Variants in CCNDBP1 observed in about 807,000 individuals in gnomAD.
CCNDBP1 encodes cyclin-D1-binding protein 1.
In CCNDBP1, 45 loss-of-function variants were observed where a neutral mutation model predicts 46.2. The ratio of observed to expected loss-of-function variants is 0.97; its 90% CI spans 0.77 to 1.25. The LOEUF (loss-of-function observed/expected upper bound fraction) is 1.25. Among genes scored for constraint, CCNDBP1 ranks in the 50% most tolerant of loss-of-function variants. The pLI is 0.00. For synonymous variants in CCNDBP1, 154 were observed against 163.6 expected, an observed-to-expected ratio of 0.94 and a Z score of 0.45; for missense variants, 436 against 442.1, an observed-to-expected ratio of 0.99 and a Z score of 0.12.
At chr15:43,189,111 G>GA in intron 3 of CCNDBP1, 88 bp from the exon 4 acceptor site, 2 of 257,890 alleles carry the variant, frequency 7.8e-6, no homozygotes, top group Non-Finnish European at 1.4e-5. Flanking sequence ...AAAAGAAAAA[G>GA]AAAGAAAAGA....
chr15:43,192,218 T>C (rs1278017783), intron 8 of CCNDBP1, among the ~76,000 whole-genome samples: 4 of 152,338 alleles, frequency 2.6e-5, no homozygotes, highest in South Asian at 4.1e-4. Context: ...ACCAGGACAG[T>C]TGTCTTGTAA....
At chr15:43,194,188 T>TA (rs1433105126) in intron 9 of CCNDBP1, 7 of 433,022 alleles carry the variant, frequency 1.6e-5, no homozygotes, top group Non-Finnish European at 2.9e-5. Context: ...ATTTTAGATC[T>TA]AAAAAATCTT....
chr15:43,190,183 T>C (rs375477707), intron 5 of CCNDBP1, 32 bp downstream of exon 5: 8 of 1,605,172 alleles, frequency 5.0e-6, no homozygotes, highest in African/African-American at 4.0e-5. Context: ...TTACCAGTTA[T>C]TGGGGTTCCT....
chr15:43,194,863 C>A lies in CCNDBP1; in HGVS notation c.*22C>A. On this transcript the variant is annotated 3_prime_UTR_variant, in exon 11 of 11. Transcript: ENST00000300213. ...ATGACTTTTCAGGCTCATTTGTACT[C>A]TCTTCCCCTCTCATCGTCATGGTCA... 7.2e-7 allele frequency: 1 copy of A among 1,388,038 alleles called. No homozygotes were observed. The highest frequency in any genetic ancestry group is 1.0e-6 in the Non-Finnish European group (1 of 974,670). 86.0% of individuals were successfully genotyped at this position (1,388,038 alleles called of 1,614,324 possible).
Position 43,189,213 on chromosome 15 carries a change from C to G in CCNDBP1, c.264C>G (p.Phe88Leu), listed in dbSNP as rs374008204. The change falls in exon 4 of 11, where the codon TTC becomes TTG. Residue 88 changes from phenylalanine to leucine, a missense_variant. Physicochemically the swap from Phe to Leu is conservative, Grantham distance 22. Coordinates refer to ENST00000300213, the MANE Select transcript of CCNDBP1 (RefSeq NM_012142.5). ...CTTTTTCATAGGAAACCCAGAAGTT[C>G]TGTGAACAAGTCCATGCTGCCATCA... ...PLPSPQETQK[F>L]CEQVHAAIKA... The G allele has an allele frequency of 7.5e-6, 12 of 1,608,654 alleles. No individual in the cohort carries two copies. Among genetic ancestry groups the G allele is most frequent in the African/African-American group, 1.3e-5 (1 of 74,666 alleles).
Position 43,192,823 on chromosome 15 carries a change from G to A in CCNDBP1, c.921+20G>A, listed in dbSNP as rs763326805. On this transcript the variant is annotated intron_variant, in intron 9 of 10. Coordinates refer to ENST00000300213, the MANE Select transcript of CCNDBP1 (RefSeq NM_012142.5). The stretch of plus-strand genomic sequence containing the variant: ...ATCAATGTAAGTACTGGCTTTGAGG[G>A]AATAGCTACAGAACAAATGGGCAGA... The A allele has an allele frequency of 6.2e-7, 1 of 1,609,536 alleles. No homozygotes were observed. Among genetic ancestry groups the A allele is most frequent in the Admixed American group, 1.7e-5 (1 of 60,022 alleles).
At chr15:43,186,032 A>C in intron 2 of CCNDBP1, 122 bp from the exon 3 acceptor site, 1 of 1,198,566 alleles carries the variant, frequency 8.3e-7, no homozygotes, top group Non-Finnish European at 1.2e-6. Context: ...AGAGGGTGAA[A>C]TAGAATTCTA....
chr15:43,195,089 T>C lies in CCNDBP1; in HGVS notation c.*248T>C. ...TGATTTCTCATTCCTGAGTCATTTC[T>C]CAGAGATTCCTAGGAAAGCTGCCTT... is the stretch of plus-strand genomic sequence containing the variant. On this transcript the variant is annotated 3_prime_UTR_variant, in exon 11 of 11. Coordinates refer to ENST00000300213, the MANE Select transcript of CCNDBP1 (RefSeq NM_012142.5). The C allele has an allele frequency of 2.9e-6, 1 of 345,030 alleles. No individual in the cohort carries two copies. Among genetic ancestry groups the C allele is most frequent in the Non-Finnish European group, 5.2e-6 (1 of 192,256 alleles). 21.4% of individuals were successfully genotyped at this position (345,030 alleles called of 1,614,324 possible). A position where few individuals can be genotyped will look rare whatever the true frequency, so the allele number is the denominator to read the frequency against.
At chr15:43,185,761 C>T (rs1347735267) in intron 1 of CCNDBP1, 59 bp from the exon 2 acceptor site, 4 of 1,564,934 alleles carry the variant, frequency 2.6e-6, no homozygotes, top group Non-Finnish European at 8.7e-7. Context: ...GGAGGTGGCT[C>T]CGCTTACCTC....
intron 3 of CCNDBP1, 110 bp downstream of exon 3, chr15:43,186,343 G>A (rs750378713): frequency 2.4e-6 from 2 of 831,166 alleles, no homozygotes; most frequent in Admixed American, 2.4e-5. Flanking sequence ...TTCTTCATCT[G>A]TCCAGTGAGG....
At chr15:43,185,998 G>A in intron 2 of CCNDBP1, 119 bp downstream of exon 2, 1 of 1,203,304 alleles carries the variant, frequency 8.3e-7, no homozygotes, top group Admixed American at 1.9e-5. Context: ...TTTCTGTGAG[G>A]TACCTTACCC....
intron 9 of CCNDBP1, 140 bp downstream of exon 9, chr15:43,192,943 C>A: frequency 1.3e-6 from 1 of 760,564 alleles, no homozygotes; most frequent in Non-Finnish European, 2.3e-6. Context: ...ACAGTTCTTG[C>A]ATGCGTTTGG....
chr15:43,185,593 T>G lies in CCNDBP1; in HGVS notation c.95T>G (p.Leu32Arg), dbSNP rs2041797515. Residue 32 changes from leucine (L) to arginine (R), a missense_variant, in exon 1 of 11, where the codon CTG (leucine) becomes CGG (arginine). Transcript: ENST00000300213. The part of the protein sequence containing the change: ...RHLAEELRLL[L>R]PRVRVGEAQE... ...TTGGCGGAGGAGCTGCGGTTGCTCC[T>G]GCCTCGAGTGCGGGGTGAGCTGACG... 1 of 1,508,274 alleles carries G rather than the reference T, an allele frequency of 6.6e-7. No homozygotes were observed. The highest frequency in any genetic ancestry group is 1.9e-5 in the Admixed American group (1 of 51,706). The allele number at this position is 1,508,274 out of a possible 1,614,324, so 93.4% of individuals were successfully genotyped here.
intron 10 of CCNDBP1, 89 bp from the exon 11 acceptor site, chr15:43,194,638 T>C: frequency 8.8e-7 from 1 of 1,134,694 alleles, no homozygotes; most frequent in Non-Finnish European, 1.3e-6. Flanking sequence ...TTAAAAAAAT[T>C]TTAGTTTTCC....
rs753563138 is a variant in CCNDBP1, at chr15:43,191,054, T to G, written c.579+12T>G. On this transcript the variant is annotated intron_variant, in intron 7 of 10. Coordinates refer to ENST00000300213, the MANE Select transcript of CCNDBP1 (RefSeq NM_012142.5). ...AAGAAATGGAGCAGGTGAGGGGACC[T>G]CCATCATTGGAAGGCAACTCCTTGA... 2 of 1,601,660 alleles carry G rather than the reference T, an allele frequency of 1.2e-6. No homozygotes were observed. Among genetic ancestry groups the G allele is most frequent in the Non-Finnish European group, 1.7e-6 (2 of 1,168,818 alleles).
chr15:43,190,022 A>ATTT, intron 4 of CCNDBP1, 33 bp from the exon 5 acceptor site: 1 of 1,582,002 alleles, frequency 6.3e-7, no homozygotes, highest in Admixed American at 1.7e-5. Context: ...TGAAAAGAAC[A>ATTT]CCAGGTTGCT....
chr15:43,189,256 T>C lies in CCNDBP1; in HGVS notation c.307T>C (p.Tyr103His), dbSNP rs760444564. 3.1e-6 allele frequency: 5 copies of C among 1,609,450 alleles called. No individual in the cohort carries two copies. The South Asian group carries it at 5.5e-5, about 18-fold the overall frequency. Residue 103 changes from tyrosine (Y) to histidine (H), a missense_variant, in exon 4 of 11, where the codon TAC becomes CAC. Physicochemically the swap from Tyr to His is moderately conservative, Grantham distance 83. Transcript: ENST00000300213. ...TGCCATCAAGGCATTTATTGCAGTG[T>C]ACTATTTGCTTCCAAAGGATCAGGG... ...HAAIKAFIAV[Y>H]YLLPKDQGIT...
Position 43,196,763 on chromosome 15 carries a change from AC to A in CCNDBP1, c.*1923del, listed in dbSNP as rs2042042456. ...ACCTGAACCTGAACAATCTGAATGTACTCCTTAAAGGTATCTGAGCACCTTT... is the reference window on the plus strand; with the variant it reads ...ACCTGAACCTGAACAATCTGAATGTATCCTTAAAGGTATCTGAGCACCTTT... On this transcript the variant is annotated 3_prime_UTR_variant, in exon 11 of 11. Transcript: ENST00000300213. 1.7e-5 allele frequency: 3 copies of A among 172,252 alleles called. No homozygotes were observed. The highest frequency in any genetic ancestry group is 7.2e-5 in the African/African-American group (3 of 41,696). The allele number at this position is 172,252 out of a possible 1,614,324, so 10.7% of individuals were successfully genotyped here. A position where few individuals can be genotyped will look rare whatever the true frequency, so the allele number is the denominator to read the frequency against.
At chr15:43,187,394 C>T (rs547104387) in intron 3 of CCNDBP1, among the ~76,000 whole-genome samples, 46 of 152,040 alleles carry the variant, frequency 3.0e-4, no homozygotes, top group African/African-American at 1.0e-3. Context: ...CTCAGCCTCT[C>T]GAGTAGCTGG....
Sources: allele counts gnomAD v4.1 joint callset (sites outside exome capture counted in the v4.1 genomes callset), GRCh38; gene constraint gnomAD v4.1.1; transcripts MANE v1.5; gene names NCBI Gene and HGNC (gene_info 2026-07-23, HGNC 2026-07-21).